NEK7: variants seen among roughly 807,000 people sequenced by gnomAD.
NEK7 encodes the protein serine/threonine-protein kinase Nek7.
A neutral mutation model predicts 44.6 loss-of-function variants in NEK7; 18 were observed. That is an observed-to-expected ratio of 0.40 (90% CI 0.28 to 0.60). NEK7 has a LOEUF of 0.60. NEK7 is among the 20% of genes least tolerant of loss of function. The pLI is 0.38. For synonymous variants in NEK7, 130 were observed against 121.1 expected (o/e 1.07, Z -0.48); for missense variants, 256 against 366.5 (o/e 0.70, Z 2.46).
intron 7 of NEK7, among the ~76,000 whole-genome samples, chr1:198,290,893 A>G (rs920264274): frequency 1.3e-5 from 2 of 152,162 alleles, no homozygotes; most frequent in African/African-American, 2.4e-5. Context: ...AGTGACCTCC[A>G]GCAGCTCACT....
chr1:198,230,811 C>A (rs1666366077), intron 1 of NEK7, among the ~76,000 whole-genome samples: 1 of 151,872 alleles, frequency 6.6e-6, no homozygotes, highest in Admixed American at 6.6e-5. Flanking sequence ...AAAAACCCCA[C>A]CATTTACAGT....
At chr1:198,290,327 G>A (rs958385097) in intron 7 of NEK7, among the ~76,000 whole-genome samples, 12 of 152,110 alleles carry the variant, frequency 7.9e-5, no homozygotes, top group Non-Finnish European at 1.6e-4. Context: ...AACAGTAATC[G>A]TAGACACAGC....
rs568540081 is a variant in NEK7 at position 198,313,914 on chromosome 1, G to T, written c.799-5498G>T. ...ACTTTGGTGACAATTATGTGTCTTGGAGTTGCTCTTCTCGAGGAGTATCTT... is the reference window on the plus strand; with the variant it reads ...ACTTTGGTGACAATTATGTGTCTTGTAGTTGCTCTTCTCGAGGAGTATCTT... On this transcript the variant is annotated intron_variant, in intron 9 of 9. Transcript: ENST00000367385. 3.3e-5 allele frequency among the ~76,000 whole-genome samples: 5 copies of T among 151,962 alleles called. No individual in the cohort carries two copies. In the South Asian group the frequency reaches 1.0e-3, roughly 32 times the overall value.
chr1:198,228,615 A>T (rs1346417911), intron 1 of NEK7, among the ~76,000 whole-genome samples: 2 of 151,972 alleles, frequency 1.3e-5, no homozygotes, highest in Admixed American at 1.3e-4. Flanking sequence ...TAGGTATTTT[A>T]TTCTCTTTGA....
At chr1:198,318,621 A>G (rs1398248660) in intron 9 of NEK7, among the ~76,000 whole-genome samples, 3 of 152,154 alleles carry the variant, frequency 2.0e-5, no homozygotes, top group African/African-American at 7.2e-5. Flanking sequence ...TTTATTGTCT[A>G]TGAAGATCAT....
chr1:198,252,559 TATATATATAA>T (rs1372376326), intron 2 of NEK7, among the ~76,000 whole-genome samples: 10 of 59,398 alleles, frequency 1.7e-4, no homozygotes, highest in Admixed American at 8.9e-4. Flanking sequence ...TATATATATA[TATATATATAA>T]AAAGTACATA....
chr1:198,192,901 A>C (rs1240489037), intron 1 of NEK7, among the ~76,000 whole-genome samples: 8 of 152,120 alleles, frequency 5.3e-5, no homozygotes, highest in Admixed American at 5.2e-4. Context: ...AACTAAGAGA[A>C]CTAGATAACC....
At position 198,240,513 on chromosome 1, in the gene NEK7, A is replaced by AG. The variant is rs1487419580; in HGVS notation, c.57+7876_57+7877insG. On this transcript the variant is annotated intron_variant, in intron 2 of 9. Coordinates refer to ENST00000367385, the MANE Select transcript of NEK7 (RefSeq NM_133494.3). ...AGACTCCGTCTCAAAAAAAAAAAAAAAGAAATATGCTTTAATAACCACAAT... is the reference window on the plus strand; with the variant it reads ...AGACTCCGTCTCAAAAAAAAAAAAAAGAGAAATATGCTTTAATAACCACAAT... 1.2e-3 allele frequency among the ~76,000 whole-genome samples: 176 copies of AG among 151,992 alleles called. 1 individual carries two copies. Among genetic ancestry groups the AG allele is most frequent in the Non-Finnish European group, 2.2e-3 (147 of 68,004 alleles).
At chr1:198,169,967 AGGAGG>A (rs1203391840) in intron 1 of NEK7, among the ~76,000 whole-genome samples, 1 of 152,214 alleles carries the variant, frequency 6.6e-6, no homozygotes, top group Non-Finnish European at 1.5e-5. Context: ...TACACTTGAC[AGGAGG>A]TCTAGGCAGG....
intron 3 of NEK7, among the ~76,000 whole-genome samples, chr1:198,260,312 G>T (rs976167472): frequency 2.6e-5 from 4 of 151,342 alleles, no homozygotes; most frequent in African/African-American, 9.7e-5. Context: ...AGCTCATTTT[G>T]TCAAAGCTTA....
At chr1:198,275,550 A>G (rs1653990989) in intron 5 of NEK7, among the ~76,000 whole-genome samples, 1 of 150,770 alleles carries the variant, frequency 6.6e-6, no homozygotes, top group South Asian at 2.1e-4. Context: ...GCCTTTTTTC[A>G]AGGGAAACAG....
chr1:198,203,838 T>C (rs1322273484), intron 1 of NEK7, among the ~76,000 whole-genome samples: 1 of 151,640 alleles, frequency 6.6e-6, no homozygotes, highest in Non-Finnish European at 1.5e-5. Flanking sequence ...GAATTCATTT[T>C]TTTTTTGTGT....
At chr1:198,250,844 C>T (rs1286737941) in intron 2 of NEK7, among the ~76,000 whole-genome samples, 3 of 150,730 alleles carry the variant, frequency 2.0e-5, no homozygotes, top group Non-Finnish European at 4.4e-5. Context: ...AATTTGACTT[C>T]CTCTTTTCCT....
In NEK7 at chr1:198,208,806, A is replaced by C. The variant is rs376656542; in HGVS notation, c.-28-23747A>C. ...GATGTTCATTGTAGTCCCTTTTTGA[A>C]CTCTAGACTACAATTTCTGTTTCTG... On this transcript the variant is annotated intron_variant, in intron 1 of 9. Coordinates refer to ENST00000367385, the MANE Select transcript of NEK7 (RefSeq NM_133494.3). Among the ~76,000 whole-genome samples, 189 of 151,966 alleles carry C rather than the reference A, an allele frequency of 1.2e-3. 2 individuals carry two copies. Among genetic ancestry groups the C allele is most frequent in the African/African-American group, 4.4e-3 (182 of 41,462 alleles).
At chr1:198,300,757 A>G (rs894624437) in intron 9 of NEK7, among the ~76,000 whole-genome samples, 1 of 152,254 alleles carries the variant, frequency 6.6e-6, no homozygotes, top group Non-Finnish European at 1.5e-5. Context: ...GGAATCTCAG[A>G]GTTAGATTAA....
At chr1:198,287,395 A>G (rs1320390467) in intron 7 of NEK7, among the ~76,000 whole-genome samples, 1 of 152,154 alleles carries the variant, frequency 6.6e-6, no homozygotes, top group East Asian at 1.9e-4. Context: ...CTCTGTCTCA[A>G]TACAAAAACA....
intron 1 of NEK7, among the ~76,000 whole-genome samples, chr1:198,214,845 T>C (rs1159880002): frequency 5.3e-5 from 8 of 152,136 alleles, no homozygotes; most frequent in South Asian, 4.1e-4. Context: ...GGGAGACTTA[T>C]TACAAGAAGA....
chr1:198,228,515 C>T (rs1466105564), intron 1 of NEK7, among the ~76,000 whole-genome samples: 5 of 146,086 alleles, frequency 3.4e-5, no homozygotes, highest in Non-Finnish European at 7.5e-5. Flanking sequence ...GAATGTTCTT[C>T]CATTTCTTTG....
intron 2 of NEK7, among the ~76,000 whole-genome samples, chr1:198,244,522 A>T (rs1666774246): frequency 6.6e-6 from 1 of 152,140 alleles, no homozygotes; most frequent in South Asian, 2.1e-4. Context: ...TTCAAATGAA[A>T]AGTATCTATG....
Sources: gnomAD v4.1 joint callset for allele counts (sites outside exome capture counted in the v4.1 genomes callset) on GRCh38, gnomAD v4.1.1 for gene constraint, MANE v1.5 for transcripts, NCBI Gene and HGNC (gene_info 2026-07-23, HGNC 2026-07-21) for gene names.